Variants in GRIK3 observed in about 807,000 individuals in gnomAD.
The protein encoded by GRIK3 is glutamate receptor ionotropic, kainate 3.
GRIK3 carries 29 observed loss-of-function variants against 102.5 expected under a neutral mutation model. The observed-to-expected ratio is 0.28, with a 90% confidence interval of 0.21 to 0.39. The LOEUF is 0.39. GRIK3 is among the 10% of genes least tolerant of loss of function. The probability of loss-of-function intolerance (pLI) is 1.00; values close to 1 mark genes in which losing one functional copy is unlikely to be tolerated. For missense variants in GRIK3, 908 were observed against 1,252.4 expected (o/e 0.73, Z 4.15); for synonymous variants, 511 against 504.9 (o/e 1.01, Z -0.16).
chr1:36,986,879 A>G (rs1044895657), intron 1 of GRIK3, among the ~76,000 whole-genome samples: 1 of 152,220 alleles, frequency 6.6e-6, no homozygotes, highest in African/African-American at 2.4e-5. Context: ...GGGTCAAACT[A>G]AATTCTCCCC....
At chr1:36,907,068 C>G (rs1396771994) in intron 1 of GRIK3, among the ~76,000 whole-genome samples, 1 of 152,040 alleles carries the variant, frequency 6.6e-6, no homozygotes, top group Non-Finnish European at 1.5e-5. Context: ...AAAATTAATT[C>G]AAAAAACAGG....
intron 5 of GRIK3, among the ~76,000 whole-genome samples, chr1:36,860,520 C>A (rs556243123): frequency 3.9e-5 from 6 of 152,324 alleles, no homozygotes; most frequent in Non-Finnish European, 5.9e-5. Flanking sequence ...CCTTTTCCCC[C>A]GATCCCAGCC....
chr1:36,921,937 G>A (rs953293586), intron 1 of GRIK3, among the ~76,000 whole-genome samples: 1 of 152,078 alleles, frequency 6.6e-6, no homozygotes, highest in Non-Finnish European at 1.5e-5. Flanking sequence ...CTTTCCCCAG[G>A]AGTGAGCTCT....
chr1:36,819,638 C>T lies in GRIK3; in HGVS notation c.1873+98G>A, dbSNP rs755336588. 4.1e-5 allele frequency: 30 copies of T among 723,844 alleles called. No homozygotes were observed. The highest frequency in any genetic ancestry group is 7.1e-5 in the Non-Finnish European group (28 of 392,248). 44.8% of individuals were successfully genotyped at this position (723,844 alleles called of 1,614,324 possible). A position where few individuals can be genotyped will look rare whatever the true frequency, so the allele number is the denominator to read the frequency against. ...CGGCTCATCAGGGTCTGAGGCTACCCCTAGAGGTGTGGGCTGGCTCTGCTG... is the reference window on the plus strand; with the variant it reads ...CGGCTCATCAGGGTCTGAGGCTACCTCTAGAGGTGTGGGCTGGCTCTGCTG... On this transcript the variant is annotated intron_variant, in intron 12 of 15. Coordinates refer to ENST00000373091, the MANE Select transcript of GRIK3 (RefSeq NM_000831.4). This position sits in a 1 kb window ranked among gnomAD's most constrained non-coding sequence, Gnocchi z 4.1.
intron 10 of GRIK3, among the ~76,000 whole-genome samples, chr1:36,828,833 G>A (rs1214936275): frequency 6.6e-6 from 1 of 152,170 alleles, no homozygotes; most frequent in African/African-American, 2.4e-5. Context: ...TTATGGCTGG[G>A]GGACTGAGCT....
At chr1:36,974,811 A>C (rs1642178416) in intron 1 of GRIK3, among the ~76,000 whole-genome samples, 1 of 151,796 alleles carries the variant, frequency 6.6e-6, no homozygotes, top group South Asian at 2.1e-4. Flanking sequence ...AAAAAAAAAA[A>C]ACAAAAAAAA....
intron 1 of GRIK3, among the ~76,000 whole-genome samples, chr1:36,910,657 G>T (rs1641334535): frequency 6.6e-6 from 1 of 152,258 alleles, no homozygotes; most frequent in Admixed American, 6.5e-5. Flanking sequence ...CAGTGAAACG[G>T]TCCAGGGATG....
Position 36,819,425 on chromosome 1 carries a change from G to A in GRIK3, c.1873+311C>T, listed in dbSNP as rs142210570. ...GATGAGGCCATGGGCAGGGTCAGCCGCAGCCAGCAGGGTGCTCTATGTCCA... is the reference window on the plus strand; with the variant it reads ...GATGAGGCCATGGGCAGGGTCAGCCACAGCCAGCAGGGTGCTCTATGTCCA... On this transcript the variant is annotated intron_variant, in intron 12 of 15. Coordinates refer to ENST00000373091, the MANE Select transcript of GRIK3 (RefSeq NM_000831.4). The surrounding 1 kb of genome is among the most constrained non-coding windows in gnomAD (Gnocchi z 4.1). Among the ~76,000 whole-genome samples the A allele has an allele frequency of 9.4e-3, 1,437 of 152,304 alleles. 17 individuals are homozygous for A. Among genetic ancestry groups the A allele is most frequent in the African/African-American group, 0.031 (1,295 of 41,566 alleles).
rs549477294 is a variant in GRIK3 at position 36,875,165 on chromosome 1, C to T, written c.551-2796G>A. Among the ~76,000 whole-genome samples, 13 of 152,358 alleles carry T rather than the reference C, an allele frequency of 8.5e-5. 1 individual carries two copies. The highest frequency in any genetic ancestry group is 2.4e-4 in the African/African-American group (10 of 41,586). On this transcript the variant is annotated intron_variant, in intron 3 of 15. Coordinates refer to ENST00000373091, the MANE Select transcript of GRIK3 (RefSeq NM_000831.4). Reference sequence around the variant, plus strand: ...CAAGGACCACAGAGGTTAAGTAACACCACAGAGGTTAAGTGATTATGGAAT... The same window carrying T: ...CAAGGACCACAGAGGTTAAGTAACATCACAGAGGTTAAGTGATTATGGAAT...
intron 1 of GRIK3, among the ~76,000 whole-genome samples, chr1:37,031,440 C>T (rs943787834): frequency 6.6e-6 from 1 of 152,242 alleles, no homozygotes; most frequent in East Asian, 1.9e-4. Context: ...GCTGAGCTAT[C>T]CATCTCCTTG....
intron 1 of GRIK3, among the ~76,000 whole-genome samples, chr1:37,010,672 T>C (rs1451242907): frequency 6.6e-6 from 1 of 151,402 alleles, no homozygotes; most frequent in Non-Finnish European, 1.5e-5. Context: ...CCCGTCTGTG[T>C]GCGCTCCAGC....
intron 1 of GRIK3, among the ~76,000 whole-genome samples, chr1:36,974,166 C>T (rs964947754): frequency 1.3e-5 from 2 of 152,180 alleles, no homozygotes; most frequent in African/African-American, 4.8e-5. Context: ...CTGCTTCCTC[C>T]CAAGTAAACT....
At chr1:37,012,436 G>A (rs569520189) in intron 1 of GRIK3, among the ~76,000 whole-genome samples, 3 of 152,278 alleles carry the variant, frequency 2.0e-5, no homozygotes, top group Non-Finnish European at 4.4e-5. Flanking sequence ...CAGATGTTTT[G>A]TCTACCTGGC....
rs1330550898 is a variant in GRIK3, at chr1:36,968,888, AAC to A, written c.115+65104_115+65105del. ...TGTTTGACAATTGACAATTTGAGCA[AAC>A]AGAATGACTCATCCAGAGACAAAGC... On this transcript the variant is annotated intron_variant, in intron 1 of 15. Transcript: ENST00000373091. Among the ~76,000 whole-genome samples the A allele has an allele frequency of 1.7e-3, 260 of 152,296 alleles. 1 individual carries two copies. The highest frequency in any genetic ancestry group is 6.8e-3 in the Middle Eastern group (2 of 294).
rs1403835024 is a variant in GRIK3, at chr1:36,800,093, A to C, written c.*1758T>G. ...GCAGCTCACAGTCTGGAGGAGGGAC[A>C]GTGTTTATCACATGAGCCCACTGTG... On this transcript the variant is annotated 3_prime_UTR_variant, in exon 16 of 16. Coordinates refer to ENST00000373091, the MANE Select transcript of GRIK3 (RefSeq NM_000831.4). 6.6e-6 allele frequency: 1 copy of C among 152,166 alleles called. No homozygotes were observed. The highest frequency in any genetic ancestry group is 6.5e-5 in the Admixed American group (1 of 15,270). 9.4% of individuals were successfully genotyped at this position (152,166 alleles called of 1,614,324 possible). A position where few individuals can be genotyped will look rare whatever the true frequency, so the allele number is the denominator to read the frequency against.
At chr1:37,004,414 C>A (rs1557460019) in intron 1 of GRIK3, among the ~76,000 whole-genome samples, 1 of 152,178 alleles carries the variant, frequency 6.6e-6, no homozygotes, top group South Asian at 2.1e-4. Context: ...AGCTAAGTGA[C>A]CCCAGAAGAA....
chr1:36,996,437 C>A (rs554554236), intron 1 of GRIK3, among the ~76,000 whole-genome samples: 13 of 152,310 alleles, frequency 8.5e-5, no homozygotes, highest in Middle Eastern at 3.4e-3. Flanking sequence ...CTGGTCAGGA[C>A]AAATGGCATT....
At chr1:37,006,284 C>A (rs144665077) in intron 1 of GRIK3, among the ~76,000 whole-genome samples, 4 of 152,332 alleles carry the variant, frequency 2.6e-5, no homozygotes, top group Non-Finnish European at 5.9e-5. Context: ...GCCCTCCAGG[C>A]CTTAGCCCTC....
Position 36,872,110 on chromosome 1 carries a change from C to T in GRIK3, c.732+78G>A. The T allele has an allele frequency of 7.4e-7, 1 of 1,344,510 alleles. No homozygotes were observed. The highest frequency in any genetic ancestry group is 1.0e-6 in the Non-Finnish European group (1 of 984,774). 83.3% of individuals were successfully genotyped at this position (1,344,510 alleles called of 1,614,324 possible). ...CAAACTTAGATCTGGCAGCATCACA[C>T]CCACATTTGGGAAGGGGACGTGGGA... On this transcript the variant is annotated intron_variant, in intron 4 of 15. Coordinates refer to ENST00000373091, the MANE Select transcript of GRIK3 (RefSeq NM_000831.4). The surrounding 1 kb of genome is among the most constrained non-coding windows in gnomAD (Gnocchi z 5.9).
Sources: gnomAD v4.1 joint callset for allele counts (sites outside exome capture counted in the v4.1 genomes callset) on GRCh38, gnomAD v4.1.1 for gene constraint, Gnocchi (gnomAD v3.1) non-coding constraint, MANE v1.5 for transcripts, NCBI Gene and HGNC (gene_info 2026-07-23, HGNC 2026-07-21) for gene names.